The following NRIP1 variants were observed in gnomAD, a reference collection of about 807,000 sequenced individuals.
The protein encoded by NRIP1 is nuclear receptor-interacting protein 1.
A neutral mutation model predicts 75.0 loss-of-function variants in NRIP1; 28 were observed. That is an observed-to-expected ratio of 0.37 (90% CI 0.28 to 0.51). NRIP1 has a LOEUF of 0.51. NRIP1 is among the 20% of genes least tolerant of loss of function. NRIP1 has a pLI of 0.92. For missense variants in NRIP1, 1,435 were observed against 1,343.7 expected, an observed-to-expected ratio of 1.07 and a Z score of -1.06; for synonymous variants, 526 against 487.6, an observed-to-expected ratio of 1.08 and a Z score of -1.04.
At chr21:14,994,328 T>C (rs1475170594) in intron 3 of NRIP1, among the ~76,000 whole-genome samples, 1 of 152,244 alleles carries the variant, frequency 6.6e-6, no homozygotes, top group Non-Finnish European at 1.5e-5. Flanking sequence ...TTTCGCCATG[T>C]TGGCCAGGCT....
intron 3 of NRIP1, among the ~76,000 whole-genome samples, chr21:14,979,791 G>C (rs2087179758): frequency 6.6e-6 from 1 of 152,086 alleles, no homozygotes; most frequent in Non-Finnish European, 1.5e-5. Context: ...TGGGATTACA[G>C]GTGTGAGCCA....
intron 3 of NRIP1, among the ~76,000 whole-genome samples, chr21:14,974,916 T>A (rs1218716916): frequency 6.6e-6 from 1 of 152,016 alleles, no homozygotes; most frequent in Non-Finnish European, 1.5e-5. Flanking sequence ...GAGACCAGCC[T>A]GGGCAACATG....
rs755574891 is a variant in NRIP1 at position 14,964,852 on chromosome 21, G to A, written c.3341C>T (p.Thr1114Met). The change falls in exon 4 of 4, where the codon ACG (threonine) becomes ATG (methionine). Residue 1114 changes from threonine (T) to methionine (M), a missense_variant. By Grantham distance (81) the Thr-to-Met change is moderately conservative. Coordinates refer to ENST00000318948, the MANE Select transcript of NRIP1 (RefSeq NM_003489.4). Reference sequence around the variant, plus strand: ...TCTTAAATTAAAGAAAGAAGCTTTCGTTTCTGCAGTAGGAAGTAACTCTTC... The same window carrying A: ...TCTTAAATTAAAGAAAGAAGCTTTCATTTCTGCAGTAGGAAGTAACTCTTC... ...AKEELLPTAETKASFFNLRSP... is the reference protein window; with the variant it reads ...AKEELLPTAEMKASFFNLRSP... The A allele has an allele frequency of 1.1e-5, 17 of 1,613,184 alleles. No individual in the cohort carries two copies. Among genetic ancestry groups the A allele is most frequent in the Admixed American group, 5.0e-5 (3 of 59,834 alleles).
chr21:14,988,477 TATAG>T (rs1165212558), intron 3 of NRIP1, among the ~76,000 whole-genome samples: 6 of 145,568 alleles, frequency 4.1e-5, no homozygotes, highest in Non-Finnish European at 7.5e-5. Context: ...AGATAGATAA[TATAG>T]ATAGATAGTA....
At chr21:15,024,276 C>T (rs1600886032) in intron 2 of NRIP1, among the ~76,000 whole-genome samples, 1 of 152,326 alleles carries the variant, frequency 6.6e-6, no homozygotes, top group South Asian at 2.1e-4. Flanking sequence ...GGTGTGATGG[C>T]TCACGCCTAT....
chr21:14,975,991 A>C (rs1435413806), intron 3 of NRIP1, among the ~76,000 whole-genome samples: 2 of 152,158 alleles, frequency 1.3e-5, no homozygotes, highest in African/African-American at 4.8e-5. Context: ...AACTTCAAAA[A>C]TGTGGTATTA....
At position 14,967,152 on chromosome 21, in the gene NRIP1, T is replaced by C. The variant is rs1284102744; in HGVS notation, c.1041A>G (p.Gln347=). ...AAGAAGGAATGATACCCATTGGATT[T>C]TGAAACACTGTAGCACTACTTTTGC... is the stretch of plus-strand genomic sequence containing the variant. ...MASKSSATVF[Q]NPMGIIPSSP... The change falls in exon 4 of 4, where the codon CAA becomes CAG. Residue 347 remains glutamine, a synonymous_variant. Transcript: ENST00000318948. 2.5e-6 allele frequency: 4 copies of C among 1,614,136 alleles called. No homozygotes were observed. In the South Asian group the frequency reaches 3.3e-5, roughly 13 times the overall value.
intron 3 of NRIP1, among the ~76,000 whole-genome samples, chr21:14,996,396 G>A (rs2087725457): frequency 6.6e-6 from 1 of 152,124 alleles, no homozygotes; most frequent in Admixed American, 6.5e-5. Flanking sequence ...CTGTGTGAGT[G>A]GTTCTCTCTT....
At chr21:15,011,453 T>A (rs1382760836) in intron 3 of NRIP1, among the ~76,000 whole-genome samples, 2 of 152,286 alleles carry the variant, frequency 1.3e-5, no homozygotes, top group Middle Eastern at 3.4e-3. Context: ...CCTCTCAAAG[T>A]GCTGGGATTG....
rs1270877332 is a variant in NRIP1 at position 15,063,970 on chromosome 21, C to G, written c.-538+775G>C. 2.0e-5 allele frequency among the ~76,000 whole-genome samples: 3 copies of G among 152,220 alleles called. No individual in the cohort carries two copies. The South Asian group carries it at 6.2e-4, about 31-fold the overall frequency. On this transcript the variant is annotated intron_variant, in intron 1 of 3. Transcript: ENST00000318948. ...TTCCTTTGTTCCTTCTGACTGAACA[C>G]CAACTCCTGATCAAAATTGGGAAAC...
At chr21:15,042,382 C>T (rs1335717794) in intron 2 of NRIP1, among the ~76,000 whole-genome samples, 1 of 152,130 alleles carries the variant, frequency 6.6e-6, no homozygotes, top group Non-Finnish European at 1.5e-5. Context: ...AAGAAGGATG[C>T]CTTGGATATA....
At chr21:14,988,457 A>AC (rs2087469113) in intron 3 of NRIP1, among the ~76,000 whole-genome samples, 1 of 151,156 alleles carries the variant, frequency 6.6e-6, no homozygotes, top group East Asian at 1.9e-4. Context: ...AGATAGATAG[A>AC]CAGACAGATA....
chr21:14,991,451 A>G, intron 3 of NRIP1: 1 of 152,000 alleles, frequency 6.6e-6, no homozygotes, highest in Admixed American at 6.6e-5. Flanking sequence ...TTACCTCCTT[A>G]TTTTAAAGGC....
chr21:15,034,465 T>C (rs2088786564), intron 2 of NRIP1, among the ~76,000 whole-genome samples: 1 of 152,218 alleles, frequency 6.6e-6, no homozygotes, highest in Non-Finnish European at 1.5e-5. Context: ...TGTGGGAGTT[T>C]ACTAATTGTT....
chr21:14,987,579 T>G (rs2087442398), intron 3 of NRIP1, among the ~76,000 whole-genome samples: 1 of 152,198 alleles, frequency 6.6e-6, no homozygotes, highest in Non-Finnish European at 1.5e-5. Context: ...GGGGCCAGTC[T>G]GTGGTGGGTG....
At chr21:15,021,078 G>A (rs2147207491) in intron 2 of NRIP1, among the ~76,000 whole-genome samples, 1 of 152,162 alleles carries the variant, frequency 6.6e-6, no homozygotes, top group Non-Finnish European at 1.5e-5. Context: ...TAAGAGAAAT[G>A]AAAAATATAT....
In NRIP1 at chr21:14,967,270, C is replaced by A. The variant is rs779348038; in HGVS notation, c.923G>T (p.Gly308Val). 6.2e-7 allele frequency: 1 copy of A among 1,613,896 alleles called. No individual in the cohort carries two copies. The change falls in exon 4 of 4, where the codon GGC (glycine) becomes GTC (valine). Residue 308 changes from glycine to valine, a missense_variant. Physicochemically the swap from Gly to Val is moderately radical, Grantham distance 109. Transcript: ENST00000318948. ...CTGGTAACTGCCAACATCCTTCTGGCCATTTTCTTGCAATCTGGCCATAGC... is the reference window on the plus strand; with the variant it reads ...CTGGTAACTGCCAACATCCTTCTGGACATTTTCTTGCAATCTGGCCATAGC... ...LAAMARLQENGQKDVGSYQLP... is the reference protein window; with the variant it reads ...LAAMARLQENVQKDVGSYQLP...
intron 3 of NRIP1, chr21:15,002,413 C>T (rs1272219837): frequency 6.6e-6 from 1 of 152,198 alleles, no homozygotes; most frequent in Non-Finnish European, 1.5e-5. Flanking sequence ...ATTAAACCTC[C>T]ACCAAGCTTG....
rs553332138 is a variant in NRIP1 at position 15,019,552 on chromosome 21, A to C, written c.-457-5086T>G. On this transcript the variant is annotated intron_variant, in intron 2 of 3. Transcript: ENST00000318948. ...CGCCCAAGCTGGAGTGCAATGATGCAGTCTTGGCTCACTGCAACCTCTGCC... is the reference window on the plus strand; with the variant it reads ...CGCCCAAGCTGGAGTGCAATGATGCCGTCTTGGCTCACTGCAACCTCTGCC... 2.5e-4 allele frequency among the ~76,000 whole-genome samples: 30 copies of C among 118,364 alleles called. 1 individual carries two copies. In the South Asian group the frequency reaches 8.6e-3, roughly 34 times the overall value. 77.7% of individuals were successfully genotyped at this position (118,364 alleles called of 152,430 possible). A position where few individuals can be genotyped will look rare whatever the true frequency, so the allele number is the denominator to read the frequency against.
Sources: allele counts gnomAD v4.1 joint callset (sites outside exome capture counted in the v4.1 genomes callset), GRCh38; gene constraint gnomAD v4.1.1; transcripts MANE v1.5; gene names NCBI Gene and HGNC (gene_info 2026-07-23, HGNC 2026-07-21).